PLEKHA7: variants seen among roughly 807,000 people sequenced by gnomAD.
PLEKHA7 encodes the protein pleckstrin homology domain containing A7.
In PLEKHA7, 104 loss-of-function variants were observed where a neutral mutation model predicts 170.0. That is an observed-to-expected ratio of 0.61 (90% CI 0.52 to 0.72). PLEKHA7 has a LOEUF of 0.72. Among genes scored for constraint, PLEKHA7 ranks in the 30% least tolerant of loss-of-function variants. The pLI is 0.00. For missense variants in PLEKHA7, 1,615 were observed against 1,671.7 expected (o/e 0.97, Z 0.59); for synonymous variants, 648 against 660.8 (o/e 0.98, Z 0.30).
chr11:16,955,331 T>C (rs1861635987), intron 3 of PLEKHA7, among the ~76,000 whole-genome samples: 1 of 152,202 alleles, frequency 6.6e-6, no homozygotes, highest in Non-Finnish European at 1.5e-5. Context: ...AGCATTCCCT[T>C]TTCTGTATCC....
chr11:16,927,545 G>C (rs1053935905), intron 3 of PLEKHA7, among the ~76,000 whole-genome samples: 3 of 151,926 alleles, frequency 2.0e-5, no homozygotes, highest in Non-Finnish European at 4.4e-5. Flanking sequence ...AAATTGGCCA[G>C]ACAATGAATA....
intron 17 of PLEKHA7, chr11:16,795,345 A>T: frequency 3.5e-6 from 1 of 286,094 alleles, no homozygotes; most frequent in South Asian, 5.0e-5. Flanking sequence ...TAGAGACAGG[A>T]AGTACAACAG....
At chr11:16,825,310 T>C (rs1176847109) in intron 10 of PLEKHA7, among the ~76,000 whole-genome samples, 1 of 152,256 alleles carries the variant, frequency 6.6e-6, no homozygotes, top group Non-Finnish European at 1.5e-5. Flanking sequence ...CAGAGCATGT[T>C]ATCAGGCCTG....
At chr11:16,874,482 G>C (rs1855128719) in intron 3 of PLEKHA7, among the ~76,000 whole-genome samples, 1 of 152,166 alleles carries the variant, frequency 6.6e-6, no homozygotes, top group African/African-American at 2.4e-5. Context: ...CTCCAACCTA[G>C]GTGACAGAGT....
At chr11:16,803,984 C>T (rs528411186) in intron 13 of PLEKHA7, among the ~76,000 whole-genome samples, 14 of 152,314 alleles carry the variant, frequency 9.2e-5, no homozygotes, top group South Asian at 2.1e-4. Context: ...CCCAAACTTG[C>T]GGGCCAATGG....
At chr11:16,881,055 G>T (rs1855672738) in intron 3 of PLEKHA7, among the ~76,000 whole-genome samples, 1 of 152,182 alleles carries the variant, frequency 6.6e-6, no homozygotes. Context: ...AATAACATCA[G>T]GGAGGTGTAG....
chr11:16,857,662 C>T (rs573471618), intron 4 of PLEKHA7, among the ~76,000 whole-genome samples: 59 of 152,350 alleles, frequency 3.9e-4, no homozygotes, highest in Non-Finnish European at 7.2e-4. Context: ...TATCTCTAAG[C>T]TAAAATTCAG....
Position 16,813,180 on chromosome 11 carries a change from A to G in PLEKHA7, c.1954-14T>C, listed in dbSNP as rs1272448013. The G allele has an allele frequency of 6.2e-7, 1 of 1,611,970 alleles. No homozygotes were observed. The highest frequency in any genetic ancestry group is 8.5e-7 in the Non-Finnish European group (1 of 1,178,102). On this transcript the variant is annotated splice_polypyrimidine_tract_variant and intron_variant, in intron 12 of 26. Coordinates refer to ENST00000531066, the MANE Select transcript of PLEKHA7 (RefSeq NM_001329630.2). ...GGTATCATCAGCCTTCAAATGAAGC[A>G]GAGAGGAAAAAACACAGTTATGAAC... is the stretch of plus-strand genomic sequence containing the variant.
At chr11:16,954,560 A>G (rs565642716) in intron 3 of PLEKHA7, among the ~76,000 whole-genome samples, 1 of 152,058 alleles carries the variant, frequency 6.6e-6, no homozygotes, top group African/African-American at 2.4e-5. Context: ...AAAACTAATA[A>G]GATAGGATGC....
chr11:16,814,780 G>T (rs975371605), intron 12 of PLEKHA7, among the ~76,000 whole-genome samples: 1 of 152,178 alleles, frequency 6.6e-6, no homozygotes, highest in African/African-American at 2.4e-5. Flanking sequence ...AGGCAGCAGG[G>T]CACCATCCAG....
chr11:16,963,737 T>C (rs1590733435), intron 3 of PLEKHA7, among the ~76,000 whole-genome samples: 1 of 152,194 alleles, frequency 6.6e-6, no homozygotes, highest in South Asian at 2.1e-4. Flanking sequence ...TGGCAGCAGG[T>C]ATCCAAAAGG....
intron 3 of PLEKHA7, among the ~76,000 whole-genome samples, chr11:16,955,994 C>A (rs1861677441): frequency 6.6e-6 from 1 of 152,068 alleles, no homozygotes. Context: ...CAGCAAGACC[C>A]AGTCACCAAA....
At chr11:17,010,344 T>A (rs1369887486) in intron 3 of PLEKHA7, among the ~76,000 whole-genome samples, 1 of 151,148 alleles carries the variant, frequency 6.6e-6, no homozygotes, top group Non-Finnish European at 1.5e-5. Flanking sequence ...TGAGCTGAGA[T>A]CGTGCCACTG....
chr11:16,851,412 A>C, intron 7 of PLEKHA7, 121 bp from the exon 8 acceptor site: 1 of 531,558 alleles, frequency 1.9e-6, no homozygotes, highest in Non-Finnish European at 3.3e-6. Context: ...ATCCTCCCAC[A>C]ACCCACACAC....
chr11:16,927,209 G>T (rs1859624743), intron 3 of PLEKHA7, among the ~76,000 whole-genome samples: 1 of 152,070 alleles, frequency 6.6e-6, no homozygotes, highest in Non-Finnish European at 1.5e-5. Context: ...TGAGAGGTTG[G>T]ATTAGGACAT....
chr11:16,925,370 G>A (rs1007442743), intron 3 of PLEKHA7, among the ~76,000 whole-genome samples: 1 of 152,210 alleles, frequency 6.6e-6, no homozygotes, highest in African/African-American at 2.4e-5. Context: ...CCAGCGGCCA[G>A]CTACGGCTCC....
Position 16,960,318 on chromosome 11 carries a change from G to C in PLEKHA7, c.221+53671C>G, listed in dbSNP as rs779853567. 3.9e-5 allele frequency among the ~76,000 whole-genome samples: 6 copies of C among 152,200 alleles called. No individual in the cohort carries two copies. In the East Asian group the frequency reaches 1.2e-3, roughly 29 times the overall value. ...ACTGTTCCCAAGTGCCTGGCACCCA[G>C]AGCAGGAGGCATGGGCCCCAGAAGC... On this transcript the variant is annotated intron_variant, in intron 3 of 26. Coordinates refer to ENST00000531066, the MANE Select transcript of PLEKHA7 (RefSeq NM_001329630.2).
At chr11:16,964,472 T>C (rs1320044549) in intron 3 of PLEKHA7, among the ~76,000 whole-genome samples, 1 of 152,134 alleles carries the variant, frequency 6.6e-6, no homozygotes, top group Admixed American at 6.5e-5. Context: ...TCCTCACCAA[T>C]CCTTGAGCTG....
intron 9 of PLEKHA7, among the ~76,000 whole-genome samples, chr11:16,838,397 CAG>C (rs1851684832): frequency 6.6e-6 from 1 of 151,810 alleles, no homozygotes; most frequent in Non-Finnish European, 1.5e-5. Flanking sequence ...GCTGAGGTCC[CAG>C]CTACTAGGGA....
Sources: allele counts gnomAD v4.1 joint callset (sites outside exome capture counted in the v4.1 genomes callset), GRCh38; gene constraint gnomAD v4.1.1; transcripts MANE v1.5; gene names NCBI Gene and HGNC (gene_info 2026-07-23, HGNC 2026-07-21).